Variants in PIK3C2B observed in about 807,000 individuals in gnomAD.
PIK3C2B encodes the protein phosphatidylinositol-4-phosphate 3-kinase catalytic subunit type 2 beta.
Under a neutral mutation model 184.3 loss-of-function variants are expected in PIK3C2B, and 83 were observed. That is an observed-to-expected ratio of 0.45 (90% CI 0.38 to 0.54). PIK3C2B has a LOEUF of 0.54. Among genes scored for constraint, PIK3C2B ranks in the 20% least tolerant of loss-of-function variants. The probability of loss-of-function intolerance (pLI) is 0.00; values close to 1 mark genes in which losing one functional copy is unlikely to be tolerated. For missense variants in PIK3C2B, 1,736 were observed against 2,113.5 expected, an observed-to-expected ratio of 0.82 and a Z score of 3.50; for synonymous variants, 779 against 837.6, an observed-to-expected ratio of 0.93 and a Z score of 1.21.
chr1:204,464,471 C>T lies in PIK3C2B; in HGVS notation c.1168G>A (p.Ala390Thr). Residue 390 changes from alanine (A) to threonine (T), a missense_variant, in exon 4 of 33, where the codon GCA (alanine) becomes ACA (threonine). This residue lies in a region of PIK3C2B where 609 missense variants were observed against 699.2 expected (regional missense o/e 0.87). Coordinates refer to ENST00000684373, the MANE Select transcript of PIK3C2B (RefSeq NM_001377334.1). ...TTACAGTTGCAGGTGAAAGTGAGTGCCTCTTGAAGCCTGTCACACAACACA... is the reference window on the plus strand; with the variant it reads ...TTACAGTTGCAGGTGAAAGTGAGTGTCTCTTGAAGCCTGTCACACAACACA... ...VTVLCDRLQE[A>T]LTFTCNCSST... The T allele has an allele frequency of 6.2e-7, 1 of 1,613,800 alleles. No individual in the cohort carries two copies. The highest frequency in any genetic ancestry group is 8.5e-7 in the Non-Finnish European group (1 of 1,179,830).
At chr1:204,452,686 ACT>A (rs1654478999) in intron 12 of PIK3C2B, among the ~76,000 whole-genome samples, 1 of 97,420 alleles carries the variant, frequency 1.0e-5, no homozygotes, top group Admixed American at 1.3e-4. Context: ...ATAGGGTCTC[ACT>A]CTGTTGCCCA....
intron 9 of PIK3C2B, 129 bp downstream of exon 9, chr1:204,457,599 T>C (rs1305503744): frequency 2.4e-6 from 2 of 849,614 alleles, no homozygotes; most frequent in Non-Finnish European, 3.5e-6. Flanking sequence ...TCCTTAAACA[T>C]AAAAGATGGA....
chr1:204,470,672 A>G (rs3014603), intron 1 of PIK3C2B, among the ~76,000 whole-genome samples: 151,153 of 152,378 alleles, frequency 0.99, 74,981 homozygotes, highest in Middle Eastern at 1. Flanking sequence ...AAATAAAAGC[A>G]TATGTCTACA....
At position 204,469,368 on chromosome 1, in the gene PIK3C2B, CCCTGGT is replaced by C. The variant is rs768572772; in HGVS notation, c.429_434del (p.Pro144_Gly145del). 1 of 1,530,718 alleles carries C rather than the reference CCCTGGT, an allele frequency of 6.5e-7. No individual in the cohort carries two copies. The highest frequency in any genetic ancestry group is 2.3e-5 in the East Asian group (1 of 44,270). 94.8% of individuals were successfully genotyped at this position (1,530,718 alleles called of 1,614,324 possible). On this transcript the variant is annotated inframe_deletion, in exon 2 of 33. Coordinates refer to ENST00000684373, the MANE Select transcript of PIK3C2B (RefSeq NM_001377334.1). The stretch of plus-strand genomic sequence containing the variant: ...GTTTCTTGCAAGAGCCCTCTATGTC[CCCTGGT>C]CCTGGGGACGAAGAGACTCCCCCAT...
In PIK3C2B at chr1:204,465,183, G is replaced by A. The variant is rs755587706; in HGVS notation, c.1034+36C>T. The A allele has an allele frequency of 6.5e-5, 47 of 717,868 alleles. No homozygotes were observed. In the East Asian group the frequency reaches 8.9e-4, roughly 14 times the overall value. 44.5% of individuals were successfully genotyped at this position (717,868 alleles called of 1,614,324 possible). On this transcript the variant is annotated intron_variant, in intron 3 of 32. Coordinates refer to ENST00000684373, the MANE Select transcript of PIK3C2B (RefSeq NM_001377334.1). ...ATGGCCCCCCTCCCCATCCCCCATA[G>A]CCCTCCCAAATCCCACCCCATTCTT...
intron 23 of PIK3C2B, 123 bp from the exon 24 acceptor site, chr1:204,434,731 T>A: frequency 3.0e-6 from 2 of 656,312 alleles, no homozygotes; most frequent in Non-Finnish European, 5.2e-6. Flanking sequence ...ACCCCAATAG[T>A]GTCTCACATC....
Position 204,424,841 on chromosome 1 carries a change from C to T in PIK3C2B, c.*11G>A. On this transcript the variant is annotated 3_prime_UTR_variant, in exon 33 of 33. Coordinates refer to ENST00000684373, the MANE Select transcript of PIK3C2B (RefSeq NM_001377334.1). ...ACCAGCCTGGGATGCTGGGTGGTGG[C>T]TCTGCTGGGCTCACAAGGTGCCATG... 1 of 1,613,116 alleles carries T rather than the reference C, an allele frequency of 6.2e-7. No individual in the cohort carries two copies.
chr1:204,470,026 G>A (rs1273597090), intron 1 of PIK3C2B, 140 bp from the exon 2 acceptor site: 4 of 565,990 alleles, frequency 7.1e-6, no homozygotes, highest in South Asian at 2.1e-5. Context: ...ACAGGAAGAT[G>A]GAGGAAAAAA....
At chr1:204,492,633 C>A (rs1658081654) in intron 1 of PIK3C2B, among the ~76,000 whole-genome samples, 1 of 152,138 alleles carries the variant, frequency 6.6e-6, no homozygotes, top group Admixed American at 6.5e-5. Context: ...TGACAAAGAC[C>A]AAAGGCATTC....
chr1:204,429,998 C>T lies in PIK3C2B; in HGVS notation c.4321G>A (p.Ala1441Thr), dbSNP rs1444729023. Residue 1441 changes from alanine to threonine, a missense_variant, in exon 29 of 33, where the codon GCG (alanine) becomes ACG (threonine). By Grantham distance (58) the Ala-to-Thr change is moderately conservative (BLOSUM62 0). Transcript: ENST00000684373. ...RFVIGRSRGE[A>T]VAERRREELN... ...TCCTCCCTCCGCCGCTCGGCCACCG[C>T]CTCTCCCCGGGAGCGGCCGATCACG... 19 of 1,611,580 alleles carry T rather than the reference C, an allele frequency of 1.2e-5. No homozygotes were observed. The highest frequency in any genetic ancestry group is 1.5e-5 in the Non-Finnish European group (18 of 1,179,974).
Position 204,469,472 on chromosome 1 carries a change from G to A in PIK3C2B, c.331C>T (p.Pro111Ser). 6.2e-7 allele frequency: 1 copy of A among 1,603,732 alleles called. No homozygotes were observed. The highest frequency in any genetic ancestry group is 8.5e-7 in the Non-Finnish European group (1 of 1,175,148). The change falls in exon 2 of 33, where the codon CCA becomes TCA. Residue 111 changes from proline to serine, a missense_variant. Coordinates refer to ENST00000684373, the MANE Select transcript of PIK3C2B (RefSeq NM_001377334.1). ...GPPNHSTSQGPQPGSDPWPKG... is the reference protein window; with the variant it reads ...GPPNHSTSQGSQPGSDPWPKG... ...GGCCAGGGATCTGAGCCAGGCTGTG[G>A]CCCTTGGGAGGTAGAGTGGTTGGGC...
rs1324985008 is a variant in PIK3C2B, at chr1:204,443,403, C to T, written c.3048+14G>A. 1 of 1,610,252 alleles carries T rather than the reference C, an allele frequency of 6.2e-7. No homozygotes were observed. Among genetic ancestry groups the T allele is most frequent in the East Asian group, 2.2e-5 (1 of 44,772 alleles). ...TGGATGAGAAATGGGTAGGGGCAGC[C>T]TCACCCCACTAACCTGCCTTGCAGA... On this transcript the variant is annotated intron_variant, in intron 19 of 32. Transcript: ENST00000684373.
intron 12 of PIK3C2B, among the ~76,000 whole-genome samples, chr1:204,451,364 C>T (rs1023316797): frequency 6.6e-6 from 1 of 152,166 alleles, no homozygotes; most frequent in Non-Finnish European, 1.5e-5. Flanking sequence ...ATGAGTGAAA[C>T]CAGAGCCAGC....
chr1:204,457,010 G>T, intron 10 of PIK3C2B, 27 bp downstream of exon 10: 1 of 1,558,870 alleles, frequency 6.4e-7, no homozygotes, highest in Non-Finnish European at 8.7e-7. Flanking sequence ...AGCCCGACTG[G>T]ATGAAGATGG....
At chr1:204,455,365 C>T (rs1285319392) in intron 11 of PIK3C2B, among the ~76,000 whole-genome samples, 1 of 152,134 alleles carries the variant, frequency 6.6e-6, no homozygotes, top group East Asian at 1.9e-4. Flanking sequence ...GGGTAGGGCC[C>T]AGTGCCTATT....
rs535437121 is a variant in PIK3C2B, at chr1:204,468,916, C to T, written c.887G>A (p.Arg296Gln). 8 of 1,604,176 alleles carry T rather than the reference C, an allele frequency of 5.0e-6. No homozygotes were observed. The highest frequency in any genetic ancestry group is 4.0e-5 in the African/African-American group (3 of 74,642). ...GTTCTTGCCAGGCGTCGCATTCTTT[C>T]GGTTGCCATAGCGGGAGGCATAGGT... ...PRTYASRYGN[R>Q]KNATPGKNRR... The change falls in exon 2 of 33, where the codon CGA (arginine) becomes CAA (glutamine). Residue 296 changes from arginine to glutamine, a missense_variant. Arg to Gln is a conservative substitution (Grantham distance 43). Around this residue, in one of 8 missense-constraint regions of PIK3C2B, gnomAD observed 404 missense variants for 418.0 expected, o/e 0.97. Transcript: ENST00000684373.
At chr1:204,436,927 G>C (rs771779218) in intron 23 of PIK3C2B, among the ~76,000 whole-genome samples, 1 of 152,182 alleles carries the variant, frequency 6.6e-6, no homozygotes, top group Non-Finnish European at 1.5e-5. Context: ...ATAGCATAGA[G>C]TGGCAGAGTT....
At chr1:204,450,130 G>GTTCAGACA (rs1654227406) in intron 12 of PIK3C2B, 113 bp from the exon 13 acceptor site, 3 of 880,414 alleles carry the variant, frequency 3.4e-6, no homozygotes, top group Admixed American at 6.0e-5. Context: ...CCCTCTCAGG[G>GTTCAGACA]TTCAGACATA....
At chr1:204,457,409 C>G (rs1654966340) in intron 9 of PIK3C2B, among the ~76,000 whole-genome samples, 1 of 152,206 alleles carries the variant, frequency 6.6e-6, no homozygotes, top group Non-Finnish European at 1.5e-5. Flanking sequence ...GAGAGATTTT[C>G]CTCCTGGTTT....
Sources: allele counts gnomAD v4.1 joint callset (sites outside exome capture counted in the v4.1 genomes callset), GRCh38; gene constraint gnomAD v4.1.1; regional missense constraint gnomAD v4.1.1; transcripts MANE v1.5; gene names NCBI Gene and HGNC (gene_info 2026-07-23, HGNC 2026-07-21).